GRAMD1C: variants seen among roughly 807,000 people sequenced by gnomAD.
GRAMD1C encodes the protein protein Aster-C.
GRAMD1C carries 89 observed loss-of-function variants against 97.8 expected under a neutral mutation model. The ratio of observed to expected loss-of-function variants is 0.91; its 90% CI spans 0.77 to 1.09. The LOEUF (loss-of-function observed/expected upper bound fraction) is 1.09. GRAMD1C is among the 50% of genes least tolerant of loss of function. GRAMD1C has a pLI of 0.00. For synonymous variants in GRAMD1C, 256 were observed against 267.0 expected, an observed-to-expected ratio of 0.96 and a Z score of 0.40; for missense variants, 740 against 766.4, an observed-to-expected ratio of 0.97 and a Z score of 0.41.
chr3:113,936,260 T>C lies in GRAMD1C; in HGVS notation c.1457-6T>C. On this transcript the variant is annotated splice_region_variant and splice_polypyrimidine_tract_variant and intron_variant, in intron 13 of 17. Transcript: ENST00000358160. ...ACTATATAAAGATTGTTTTTTTTTT[T>C]CTTAGAATCAGATTTGTTAATTGAA... 1.3e-6 allele frequency: 2 copies of C among 1,518,978 alleles called. No individual in the cohort carries two copies. Among genetic ancestry groups the C allele is most frequent in the Non-Finnish European group, 1.8e-6 (2 of 1,109,568 alleles). 94.1% of individuals were successfully genotyped at this position (1,518,978 alleles called of 1,614,324 possible). A position where few individuals can be genotyped will look rare whatever the true frequency, so the allele number is the denominator to read the frequency against.
chr3:113,897,803 T>C, intron 6 of GRAMD1C: 1 of 976,382 alleles, frequency 1.0e-6, no homozygotes, highest in African/African-American at 1.7e-5. Context: ...GAGACTCTCC[T>C]TGGTTTGCAG....
intron 2 of GRAMD1C, among the ~76,000 whole-genome samples, chr3:113,859,765 C>T (rs1051524289): frequency 7.2e-5 from 11 of 152,228 alleles, no homozygotes; most frequent in Admixed American, 2.0e-4. Context: ...TAACTTTTCA[C>T]GAAGAAAAGC....
At chr3:113,944,020 T>C (rs1247804363) in intron 17 of GRAMD1C, among the ~76,000 whole-genome samples, 1 of 152,208 alleles carries the variant, frequency 6.6e-6, no homozygotes, top group Non-Finnish European at 1.5e-5. Flanking sequence ...TCTCTATTAC[T>C]CTCCCTTTAG....
At chr3:113,836,121 G>T (rs574938169), upstream of GRAMD1C, among the ~76,000 whole-genome samples, 1 of 151,860 alleles carries the variant, frequency 6.6e-6, no homozygotes, top group Non-Finnish European at 1.5e-5. Context: ...AAAATTAGCC[G>T]GGCATGGTGG....
At position 113,908,726 on chromosome 3, in the gene GRAMD1C, T is replaced by C. The variant is rs144933426; in HGVS notation, c.790-232T>C. ...AAGCTCTTTTATATGGTGTTTTTCATAAACTTGTTTATTATTGTGTAGGAT... is the reference window on the plus strand; with the variant it reads ...AAGCTCTTTTATATGGTGTTTTTCACAAACTTGTTTATTATTGTGTAGGAT... On this transcript the variant is annotated intron_variant, in intron 8 of 17. Coordinates refer to ENST00000358160, the MANE Select transcript of GRAMD1C (RefSeq NM_017577.5). Among the ~76,000 whole-genome samples, 7 of 152,344 alleles carry C rather than the reference T, an allele frequency of 4.6e-5. No individual in the cohort carries two copies. In the East Asian group the frequency reaches 1.2e-3, roughly 25 times the overall value.
chr3:113,841,398 G>C (rs939820883), intron 1 of GRAMD1C, among the ~76,000 whole-genome samples: 4 of 143,596 alleles, frequency 2.8e-5, no homozygotes, highest in African/African-American at 1.0e-4. Flanking sequence ...CAATTCTCCT[G>C]CCTCAGCCTC....
chr3:113,941,435 T>C (rs987653340), intron 17 of GRAMD1C, among the ~76,000 whole-genome samples: 65 of 152,212 alleles, frequency 4.3e-4, no homozygotes, highest in Non-Finnish European at 1.8e-4. Flanking sequence ...AGCCTTCTGT[T>C]GGATGGGTTA....
At chr3:113,890,026 A>T (rs2107421148) in intron 6 of GRAMD1C, among the ~76,000 whole-genome samples, 1 of 151,982 alleles carries the variant, frequency 6.6e-6, no homozygotes, top group South Asian at 2.1e-4. Flanking sequence ...AAGTGGACAG[A>T]CACATTTTGG....
At chr3:113,843,555 C>G (rs1933471708) in intron 1 of GRAMD1C, among the ~76,000 whole-genome samples, 1 of 151,804 alleles carries the variant, frequency 6.6e-6, no homozygotes, top group Non-Finnish European at 1.5e-5. Context: ...TCTCGGCTCA[C>G]TGCAACCTCC....
At chr3:113,904,838 G>GT (rs1936306428) in intron 8 of GRAMD1C, among the ~76,000 whole-genome samples, 1 of 151,992 alleles carries the variant, frequency 6.6e-6, no homozygotes, top group Non-Finnish European at 1.5e-5. Context: ...TTTGTTTTTA[G>GT]TTTTTTGGGT....
chr3:113,930,886 A>G (rs1937394078), intron 11 of GRAMD1C, 54 bp downstream of exon 11: 2 of 895,694 alleles, frequency 2.2e-6, no homozygotes, highest in East Asian at 2.4e-5. Flanking sequence ...AAGAGAGAAG[A>G]TGCCTATTAT....
Position 113,915,691 on chromosome 3 carries a change from G to A in GRAMD1C, c.953-10G>A. On this transcript the variant is annotated splice_polypyrimidine_tract_variant and intron_variant, in intron 9 of 17. Transcript: ENST00000358160. ...TTCTTCTCTTTTGGTTTGTGTTTCT[G>A]TTTTTCCAGAAAATGTTCCTGAGAA... 1 of 1,604,214 alleles carries A rather than the reference G, an allele frequency of 6.2e-7. No individual in the cohort carries two copies. Among genetic ancestry groups the A allele is most frequent in the Non-Finnish European group, 8.5e-7 (1 of 1,174,346 alleles).
At chr3:113,930,500 A>G (rs1458907336) in intron 10 of GRAMD1C, among the ~76,000 whole-genome samples, 1 of 152,220 alleles carries the variant, frequency 6.6e-6, no homozygotes, top group Non-Finnish European at 1.5e-5. Context: ...TTAGAAATAA[A>G]TGGATCAGAG....
chr3:113,884,960 C>T (rs1019863060), intron 6 of GRAMD1C, among the ~76,000 whole-genome samples: 2 of 146,038 alleles, frequency 1.4e-5, no homozygotes, highest in African/African-American at 5.1e-5. Context: ...CCCCGCTGCC[C>T]CCTCCCCCAA....
At chr3:113,936,062 C>T (rs1159751369) in intron 13 of GRAMD1C, among the ~76,000 whole-genome samples, 1 of 152,114 alleles carries the variant, frequency 6.6e-6, no homozygotes, top group African/African-American at 2.4e-5. Context: ...TTTATTAATA[C>T]ACATTCTTCC....
At chr3:113,920,674 A>G (rs1450178819) in intron 10 of GRAMD1C, among the ~76,000 whole-genome samples, 1 of 151,884 alleles carries the variant, frequency 6.6e-6, no homozygotes, top group Non-Finnish European at 1.5e-5. Flanking sequence ...CTGAGTAGCT[A>G]GGATTACAGG....
intron 6 of GRAMD1C, chr3:113,885,237 G>A (rs1935423651): frequency 2.9e-6 from 3 of 1,017,158 alleles, no homozygotes; most frequent in Admixed American, 2.2e-5. Context: ...GGTTGCCCCC[G>A]GGGGGCTGGC....
chr3:113,838,009 C>T (rs559997252), upstream of GRAMD1C, among the ~76,000 whole-genome samples: 1 of 152,310 alleles, frequency 6.6e-6, no homozygotes, highest in East Asian at 1.9e-4. Context: ...ATGCAGCCTC[C>T]AAGTAGCAGG....
At chr3:113,850,030 C>A (rs1001093644) in intron 2 of GRAMD1C, among the ~76,000 whole-genome samples, 2 of 151,886 alleles carry the variant, frequency 1.3e-5, no homozygotes, top group Non-Finnish European at 1.5e-5. Context: ...GCTGACCCCC[C>A]ACCTCCCTCC....
Sources: gnomAD v4.1 joint callset for allele counts (sites outside exome capture counted in the v4.1 genomes callset) on GRCh38, gnomAD v4.1.1 for gene constraint, MANE v1.5 for transcripts, NCBI Gene and HGNC (gene_info 2026-07-23, HGNC 2026-07-21) for gene names.